DPY19L3: variants seen among roughly 807,000 people sequenced by gnomAD.
DPY19L3 encodes protein C-mannosyl-transferase DPY19L3.
Under a neutral mutation model 92.3 loss-of-function variants are expected in DPY19L3, and 51 were observed. That is an observed-to-expected ratio of 0.55 (90% CI 0.44 to 0.70). The LOEUF is 0.70. Among genes scored for constraint, DPY19L3 ranks in the 30% least tolerant of loss-of-function variants. DPY19L3 has a pLI of 0.00. For synonymous variants in DPY19L3, 309 were observed against 315.2 expected (o/e 0.98, Z 0.21); for missense variants, 706 against 855.9 (o/e 0.82, Z 2.18).
At chr19:32,472,467 C>T (rs1037887356) in intron 16 of DPY19L3, among the ~76,000 whole-genome samples, 1 of 151,936 alleles carries the variant, frequency 6.6e-6, no homozygotes, top group Non-Finnish European at 1.5e-5. Flanking sequence ...GAATTAAATG[C>T]ATATATTCAT....
At chr19:32,412,363 CTT>C (rs1342749787) in intron 3 of DPY19L3, 2 of 83,570 alleles carry the variant, frequency 2.4e-5, no homozygotes, top group African/African-American at 5.8e-5. Context: ...TTTTGTGAAA[CTT>C]TTAATTTTAT....
rs1328783911 is a variant in DPY19L3 at position 32,482,378 on chromosome 19, C to G, written c.*138C>G. On this transcript the variant is annotated 3_prime_UTR_variant, in exon 19 of 19. Coordinates refer to ENST00000392250, the MANE Select transcript of DPY19L3 (RefSeq NM_001172774.2). ...TGAGTAAGTTCTACAGATGTTTACACAAGTGTTGCCATCTTTGAAAGCATC... is the reference window on the plus strand; with the variant it reads ...TGAGTAAGTTCTACAGATGTTTACAGAAGTGTTGCCATCTTTGAAAGCATC... 7.4e-6 allele frequency: 7 copies of G among 948,622 alleles called. No homozygotes were observed. The highest frequency in any genetic ancestry group is 5.6e-5 in the Admixed American group (2 of 35,428). The allele number at this position is 948,622 out of a possible 1,614,324, so 58.8% of individuals were successfully genotyped here.
intron 8 of DPY19L3, among the ~76,000 whole-genome samples, chr19:32,442,368 C>G (rs1160629032): frequency 6.6e-6 from 1 of 152,148 alleles, no homozygotes; most frequent in East Asian, 1.9e-4. Flanking sequence ...TTTTCTTAAT[C>G]TATTGTGGAA....
Position 32,408,199 on chromosome 19 carries a change from C to G in DPY19L3, c.-37-18C>G. 1 of 1,291,554 alleles carries G rather than the reference C, an allele frequency of 7.7e-7. No homozygotes were observed. Among genetic ancestry groups the G allele is most frequent in the Admixed American group, 1.8e-5 (1 of 54,458 alleles). The allele number at this position is 1,291,554 out of a possible 1,614,324, so 80.0% of individuals were successfully genotyped here. A position where few individuals can be genotyped will look rare whatever the true frequency, so the allele number is the denominator to read the frequency against. The stretch of plus-strand genomic sequence containing the variant: ...GGGAGAAGGCACTGACGTTGATGGC[C>G]TGTTTATTGCTATCTAGGAGTGATT... On this transcript the variant is annotated intron_variant, in intron 1 of 18. Transcript: ENST00000392250.
intron 1 of DPY19L3, 25 bp from the exon 2 acceptor site, chr19:32,408,189 CGTT>C: frequency 3.4e-6 from 4 of 1,172,810 alleles, no homozygotes; most frequent in Non-Finnish European, 5.0e-6. Context: ...AAGGCACTGA[CGTT>C]GATGGCCTGT....
At chr19:32,447,140 A>G (rs936838565) in intron 8 of DPY19L3, among the ~76,000 whole-genome samples, 1 of 152,242 alleles carries the variant, frequency 6.6e-6, no homozygotes, top group Non-Finnish European at 1.5e-5. Context: ...AAAAATATAT[A>G]AAGATATACA....
chr19:32,413,859 G>A (rs1351917717), intron 3 of DPY19L3, among the ~76,000 whole-genome samples: 1 of 152,024 alleles, frequency 6.6e-6, no homozygotes, highest in African/African-American at 2.4e-5. Flanking sequence ...CCGAGTAGCT[G>A]GGACCACAGG....
chr19:32,436,537 C>A lies in DPY19L3; in HGVS notation c.420C>A (p.Leu140=). 2 of 1,574,866 alleles carry A rather than the reference C, an allele frequency of 1.3e-6. No individual in the cohort carries two copies. Among genetic ancestry groups the A allele is most frequent in the South Asian group, 1.2e-5 (1 of 85,716 alleles). The change falls in exon 5 of 19, where the codon CTC becomes CTA. Residue 140 remains leucine, a synonymous_variant. Transcript: ENST00000392250. ...QRMNIYQEVF[L]SILYRVLPIQ... is the part of the protein sequence containing the mutation. Reference sequence around the variant, plus strand: ...TGAATATTTACCAAGAGGTTTTTCTCAGTATTTTATATAGAGTTCTACCCA... The same window carrying A: ...TGAATATTTACCAAGAGGTTTTTCTAAGTATTTTATATAGAGTTCTACCCA...
chr19:32,470,927 G>A (rs1970340814), intron 16 of DPY19L3, among the ~76,000 whole-genome samples: 1 of 151,590 alleles, frequency 6.6e-6, no homozygotes, highest in South Asian at 2.1e-4. Flanking sequence ...CTAGCTGCTT[G>A]GTATGTTTGC....
intron 8 of DPY19L3, among the ~76,000 whole-genome samples, chr19:32,450,777 T>G (rs1487103700): frequency 1.3e-5 from 2 of 152,124 alleles, no homozygotes; most frequent in African/African-American, 4.8e-5. Flanking sequence ...GTCATAAAAT[T>G]AGACTGAGGT....
intron 14 of DPY19L3, among the ~76,000 whole-genome samples, chr19:32,464,345 C>T (rs1658183231): frequency 6.6e-6 from 1 of 152,004 alleles, no homozygotes; most frequent in South Asian, 2.1e-4. Context: ...TTTCAGTAGC[C>T]TATAAATGCA....
At chr19:32,410,910 A>G (rs1599581086) in intron 2 of DPY19L3, among the ~76,000 whole-genome samples, 1 of 152,256 alleles carries the variant, frequency 6.6e-6, no homozygotes, top group East Asian at 1.9e-4. Flanking sequence ...TTAGTCATCC[A>G]TTTAACAGAC....
chr19:32,451,271 C>A (rs1210623532), intron 8 of DPY19L3, among the ~76,000 whole-genome samples: 1 of 152,136 alleles, frequency 6.6e-6, no homozygotes, highest in Non-Finnish European at 1.5e-5. Context: ...GATGTAAAAT[C>A]CTGTATATGA....
chr19:32,458,216 A>T, intron 11 of DPY19L3, 43 bp downstream of exon 11: 2 of 1,596,098 alleles, frequency 1.3e-6, no homozygotes, highest in Non-Finnish European at 1.7e-6. Context: ...TTTCTATTGA[A>T]TCAGCAGGGA....
chr19:32,409,327 T>A (rs1968096058), intron 2 of DPY19L3, among the ~76,000 whole-genome samples: 1 of 152,266 alleles, frequency 6.6e-6, no homozygotes, highest in Non-Finnish European at 1.5e-5. Flanking sequence ...TGTAGCTTGC[T>A]ATTTTTCTCT....
chr19:32,441,034 T>G (rs1969305467), intron 8 of DPY19L3, among the ~76,000 whole-genome samples: 1 of 152,188 alleles, frequency 6.6e-6, no homozygotes, highest in Admixed American at 6.5e-5. Flanking sequence ...GGTGTGCCAG[T>G]GACCACTCCT....
chr19:32,428,952 A>AT, intron 3 of DPY19L3, among the ~76,000 whole-genome samples: 1 of 151,750 alleles, frequency 6.6e-6, no homozygotes, highest in Admixed American at 6.6e-5. Flanking sequence ...AGTTCAAGTG[A>AT]TTCTCCTGCC....
rs111478621 is a variant in DPY19L3, at chr19:32,454,252, A to G, written c.988-687A>G. ...TCTTTTATGTAATTGACTTGTAACT[A>G]TGCCCGTGGTGTAGGAATTAATGGA... is the stretch of plus-strand genomic sequence containing the variant. On this transcript the variant is annotated intron_variant, in intron 9 of 18. Coordinates refer to ENST00000392250, the MANE Select transcript of DPY19L3 (RefSeq NM_001172774.2). Among the ~76,000 whole-genome samples, 543 of 152,304 alleles carry G rather than the reference A, an allele frequency of 3.6e-3. 3 individuals are homozygous for G. The highest frequency in any genetic ancestry group is 0.012 in the African/African-American group (488 of 41,578).
At chr19:32,480,347 C>G in intron 17 of DPY19L3, 52 bp from the exon 18 acceptor site, 1 of 1,567,024 alleles carries the variant, frequency 6.4e-7, no homozygotes, top group Non-Finnish European at 8.7e-7. Flanking sequence ...ATAGTTAACT[C>G]CCTGGCAGTC....
Sources: gnomAD v4.1 joint callset for allele counts (sites outside exome capture counted in the v4.1 genomes callset) on GRCh38, gnomAD v4.1.1 for gene constraint, MANE v1.5 for transcripts, NCBI Gene and HGNC (gene_info 2026-07-23, HGNC 2026-07-21) for gene names.